The following TANGO6 variants were observed in gnomAD, a reference collection of about 807,000 sequenced individuals.
TANGO6 encodes the protein transport and Golgi organization protein 6 homolog.
TANGO6 carries 90 observed loss-of-function variants against 114.2 expected under a neutral mutation model. The ratio of observed to expected loss-of-function variants is 0.79; its 90% CI spans 0.66 to 0.94. The LOEUF (loss-of-function observed/expected upper bound fraction) is 0.94. TANGO6 is among the 40% of genes least tolerant of loss of function. The pLI is 0.00. For synonymous variants in TANGO6, 477 were observed against 509.8 expected (o/e 0.94, Z 0.87); for missense variants, 1,274 against 1,315.3 (o/e 0.97, Z 0.49).
chr16:69,058,504 C>T (rs1206894935), intron 17 of TANGO6, among the ~76,000 whole-genome samples: 1 of 152,126 alleles, frequency 6.6e-6, no homozygotes, highest in African/African-American at 2.4e-5. Context: ...AGCCAGTAAG[C>T]AGGAGAACTG....
At chr16:68,993,834 T>C (rs1963967081) in intron 15 of TANGO6, among the ~76,000 whole-genome samples, 1 of 152,216 alleles carries the variant, frequency 6.6e-6, no homozygotes, top group Non-Finnish European at 1.5e-5. Flanking sequence ...GTTTTTAAAA[T>C]AAGTTACCAC....
At chr16:69,058,500 T>G (rs1279899324) in intron 17 of TANGO6, among the ~76,000 whole-genome samples, 2 of 152,204 alleles carry the variant, frequency 1.3e-5, no homozygotes, top group Non-Finnish European at 2.9e-5. Flanking sequence ...ACACAGCCAG[T>G]AAGCAGGAGA....
chr16:68,860,244 T>C lies in TANGO6; in HGVS notation c.455T>C (p.Val152Ala), dbSNP rs755184235. 1 of 1,613,928 alleles carries C rather than the reference T, an allele frequency of 6.2e-7. No homozygotes were observed. Among genetic ancestry groups the C allele is most frequent in the East Asian group, 2.2e-5 (1 of 44,904 alleles). Residue 152 changes from valine (V) to alanine (A), a missense_variant, in exon 2 of 18, where the codon GTA (valine) becomes GCA (alanine). This residue lies in a region of TANGO6 where 908 missense variants were observed against 910.2 expected (regional missense o/e 1.00). Coordinates refer to ENST00000261778, the MANE Select transcript of TANGO6 (RefSeq NM_024562.2). ...QKTVQFVLQF[V>A]VTLGICPYLM... ...ACTGTCCAGTTCGTTTTGCAGTTTG[T>C]AGTTACCTTGGGTATCTGCCCCTAT... is the stretch of plus-strand genomic sequence containing the variant.
chr16:68,919,593 A>G (rs956125651), intron 12 of TANGO6, among the ~76,000 whole-genome samples: 1 of 152,214 alleles, frequency 6.6e-6, no homozygotes, highest in Non-Finnish European at 1.5e-5. Flanking sequence ...AACTGGTTGC[A>G]TAGGATCCAT....
At chr16:69,054,206 G>A (rs572862855) in intron 17 of TANGO6, among the ~76,000 whole-genome samples, 53 of 152,262 alleles carry the variant, frequency 3.5e-4, no homozygotes, top group African/African-American at 1.1e-3. Context: ...TTTTACCATC[G>A]CACTCTCATC....
At chr16:69,062,482 A>T (rs1034481884) in intron 17 of TANGO6, among the ~76,000 whole-genome samples, 9 of 151,266 alleles carry the variant, frequency 5.9e-5, no homozygotes, top group African/African-American at 1.7e-4. Flanking sequence ...TTATTTATTT[A>T]TTTTTTTTGA....
intron 8 of TANGO6, among the ~76,000 whole-genome samples, chr16:68,901,796 T>C (rs1464434253): frequency 1.3e-5 from 2 of 152,128 alleles, no homozygotes; most frequent in African/African-American, 4.8e-5. Context: ...CCTCTTGTTT[T>C]TGTTTTAAAA....
chr16:68,951,635 C>G (rs913468653), intron 14 of TANGO6, among the ~76,000 whole-genome samples: 7 of 138,500 alleles, frequency 5.1e-5, no homozygotes, highest in African/African-American at 1.9e-4. Context: ...TTTTTTGAGA[C>G]AGAGTCTCGC....
intron 15 of TANGO6, among the ~76,000 whole-genome samples, chr16:69,018,193 G>T (rs1430868645): frequency 9.2e-5 from 13 of 141,924 alleles, no homozygotes; most frequent in Non-Finnish European, 1.7e-4. Flanking sequence ...GCCCAGGCTG[G>T]AGTGCAGTGG....
chr16:68,979,150 G>C (rs936229604), intron 15 of TANGO6, among the ~76,000 whole-genome samples: 1 of 151,756 alleles, frequency 6.6e-6, no homozygotes, highest in Non-Finnish European at 1.5e-5. Flanking sequence ...CGACCCCCTG[G>C]GCTCAAGTGA....
At chr16:68,986,076 T>C (rs192260655) in intron 15 of TANGO6, among the ~76,000 whole-genome samples, 23 of 152,182 alleles carry the variant, frequency 1.5e-4, no homozygotes, top group Non-Finnish European at 3.2e-4. Flanking sequence ...GAGCTGGTGG[T>C]GTCATCATGA....
intron 7 of TANGO6, among the ~76,000 whole-genome samples, chr16:68,895,251 A>G (rs1353298643): frequency 6.6e-6 from 1 of 152,172 alleles, no homozygotes; most frequent in Non-Finnish European, 1.5e-5. Flanking sequence ...CGGGAGGCTG[A>G]GGCACGAGAA....
chr16:68,869,869 GA>G (rs1962241228), intron 4 of TANGO6, among the ~76,000 whole-genome samples: 1 of 152,188 alleles, frequency 6.6e-6, no homozygotes, highest in African/African-American at 2.4e-5. Flanking sequence ...TAGTGCTTCT[GA>G]GGAAATCTCC....
chr16:68,924,370 T>A (rs1053114697), intron 12 of TANGO6, among the ~76,000 whole-genome samples: 1 of 151,022 alleles, frequency 6.6e-6, no homozygotes, highest in African/African-American at 2.4e-5. Flanking sequence ...CCAGACCAGA[T>A]CAGCTACTCG....
At chr16:68,851,997 G>A (rs112989564) in intron 1 of TANGO6, among the ~76,000 whole-genome samples, 2 of 152,144 alleles carry the variant, frequency 1.3e-5, no homozygotes, top group Non-Finnish European at 2.9e-5. Flanking sequence ...CTCATGTAAT[G>A]TTTTATACTC....
In TANGO6 at chr16:69,004,006, C is replaced by CA. The variant is rs112221940; in HGVS notation, c.2843-18810dup. ...CCACTTTAAATAACATCTGAATTGG[C>CA]AAAAAAAAAAAATTTTTTTCAATAG... On this transcript the variant is annotated intron_variant, in intron 15 of 17. Coordinates refer to ENST00000261778, the MANE Select transcript of TANGO6 (RefSeq NM_024562.2). 1.6e-3 allele frequency among the ~76,000 whole-genome samples: 233 copies of CA among 143,976 alleles called. 1 individual carries two copies. Among genetic ancestry groups the CA allele is most frequent in the Middle Eastern group, 7.1e-3 (2 of 282 alleles). 94.5% of individuals were successfully genotyped at this position (143,976 alleles called of 152,430 possible). A position where few individuals can be genotyped will look rare whatever the true frequency, so the allele number is the denominator to read the frequency against.
At chr16:69,003,743 C>T (rs180973167) in intron 15 of TANGO6, among the ~76,000 whole-genome samples, 1 of 152,220 alleles carries the variant, frequency 6.6e-6, no homozygotes, top group African/African-American at 2.4e-5. Context: ...CTATGACATG[C>T]TTGGACCTTT....
At chr16:69,055,988 G>A (rs913702011) in intron 17 of TANGO6, among the ~76,000 whole-genome samples, 52 of 151,830 alleles carry the variant, frequency 3.4e-4, no homozygotes, top group African/African-American at 1.1e-3. Context: ...GCAGTGAGCC[G>A]AGATCATGCC....
intron 4 of TANGO6, among the ~76,000 whole-genome samples, chr16:68,872,650 C>T (rs2152165639): frequency 6.8e-6 from 1 of 146,876 alleles, no homozygotes; most frequent in African/African-American, 2.5e-5. Flanking sequence ...TGTTTTCCTT[C>T]TTTGCATGCC....
Sources: gnomAD v4.1 joint callset for allele counts (sites outside exome capture counted in the v4.1 genomes callset) on GRCh38, gnomAD v4.1.1 for gene constraint, gnomAD v4.1.1 regional missense constraint, MANE v1.5 for transcripts, NCBI Gene and HGNC (gene_info 2026-07-23, HGNC 2026-07-21) for gene names.